Variants in PURG observed in about 807,000 individuals in gnomAD.
PURG encodes the protein purine-rich element-binding protein gamma.
In PURG, 3 loss-of-function variants were observed where a neutral mutation model predicts 24.3. The observed-to-expected ratio is 0.12, with a 90% CI of 0.06 to 0.32. The LOEUF (loss-of-function observed/expected upper bound fraction) is 0.32. Ranked by LOEUF, PURG falls within the 10% of genes least tolerant of loss-of-function variation. The pLI, the probability that PURG is intolerant of heterozygous loss-of-function variation, is 1.00. For synonymous variants in PURG, 180 were observed against 173.1 expected, an observed-to-expected ratio of 1.04 and a Z score of -0.31; for missense variants, 371 against 439.1, an observed-to-expected ratio of 0.84 and a Z score of 1.39.
chr8:31,005,011 C>T (rs1462758858), intron 1 of PURG, among the ~76,000 whole-genome samples: 2 of 152,132 alleles, frequency 1.3e-5, no homozygotes, highest in Non-Finnish European at 2.9e-5. Context: ...TATTCAGTGA[C>T]GATCTGCTTA....
At chr8:31,004,376 C>T (rs758101697) in intron 1 of PURG, among the ~76,000 whole-genome samples, 28 of 152,140 alleles carry the variant, frequency 1.8e-4, no homozygotes, top group Non-Finnish European at 3.8e-4. Flanking sequence ...CTTTCCAGCA[C>T]GTTTTGATAA....
In PURG at chr8:31,033,072, A is replaced by T; in HGVS notation, c.-7+6T>A. 1 of 192,034 alleles carries T rather than the reference A, an allele frequency of 5.2e-6. No homozygotes were observed. The highest frequency in any genetic ancestry group is 1.0e-5 in the Non-Finnish European group (1 of 97,662). The allele number at this position is 192,034 out of a possible 1,614,324, so 11.9% of individuals were successfully genotyped here. On this transcript the variant is annotated splice_donor_region_variant and intron_variant, in intron 1 of 1. Transcript: ENST00000523392. ...GGCCCCAGGTCTCCAGCCGGCGGGCACTCACATCATCTCTGCCATCACCGC... is the reference window on the plus strand; with the variant it reads ...GGCCCCAGGTCTCCAGCCGGCGGGCTCTCACATCATCTCTGCCATCACCGC...
intron 1 of PURG, among the ~76,000 whole-genome samples, chr8:31,025,289 G>C (rs536860325): frequency 6.6e-6 from 1 of 151,960 alleles, no homozygotes. Flanking sequence ...CATTCCTAAA[G>C]ATGAATTTTT....
downstream of PURG, among the ~76,000 whole-genome samples, chr8:31,027,271 G>A (rs984219686): frequency 2.6e-5 from 4 of 151,672 alleles, no homozygotes; most frequent in African/African-American, 9.7e-5. Flanking sequence ...GATGTTTGGT[G>A]TTTTAGTAAA....
intron 1 of PURG, among the ~76,000 whole-genome samples, chr8:31,019,141 AAAAAAAAAAAAAAAAAAAAATATATATAT>A (rs1810934093): frequency 2.4e-5 from 1 of 40,970 alleles, no homozygotes; most frequent in East Asian, 7.1e-4. Context: ...AAAAAAAAAA[AAAAAAAAAAAAAAAAAAAAATATATATAT>A]ATATATATAT....
chr8:31,032,022 C>G lies in PURG; in HGVS notation c.761G>C (p.Gly254Ala). 1 of 1,614,158 alleles carries G rather than the reference C, an allele frequency of 6.2e-7. No individual in the cohort carries two copies. The highest frequency in any genetic ancestry group is 8.5e-7 in the Non-Finnish European group (1 of 1,180,038). Residue 254 changes from glycine to alanine, a missense_variant, in exon 2 of 2, where the codon GGA becomes GCA. By Grantham distance (60) the Gly-to-Ala change is moderately conservative. Transcript: ENST00000523392. The surrounding 1 kb of genome is among the most constrained non-coding windows in gnomAD (Gnocchi z 5.9). The stretch of plus-strand genomic sequence containing the variant: ...TGGGAGTTCAAGCGGGTCATCGTCT[C>G]CACCTCTTCGTTCTTCTATGTCTCC... ...GEGDIEERRG[G>A]DDDPLELPEG...
intron 1 of PURG, among the ~76,000 whole-genome samples, chr8:31,003,886 T>G (rs1177992688): frequency 6.6e-6 from 1 of 152,218 alleles, no homozygotes; most frequent in Non-Finnish European, 1.5e-5. Flanking sequence ...GCTCCTTATT[T>G]CAGTCTTGAA....
intron 1 of PURG, among the ~76,000 whole-genome samples, chr8:31,008,389 C>G (rs533840317): frequency 6.6e-6 from 1 of 152,152 alleles, no homozygotes; most frequent in Non-Finnish European, 1.5e-5. Context: ...CTGCAACCTC[C>G]GCCTCCTGGG....
intron 1 of PURG, among the ~76,000 whole-genome samples, chr8:30,999,591 GAAAAAAATAAAGTGGC>G (rs1297605103): frequency 2.0e-5 from 3 of 151,886 alleles, no homozygotes; most frequent in Non-Finnish European, 4.4e-5. Flanking sequence ...CTGGGAATTA[GAAAAAAATAAAGTGGC>G]ATTAACCTTT....
rs1416080116 is a variant in PURG, at chr8:31,031,134, T to C, written c.*605A>G. On this transcript the variant is annotated 3_prime_UTR_variant, in exon 2 of 2. Coordinates refer to ENST00000523392, the MANE Select transcript of PURG (RefSeq NM_001323311.2). ...AGGGTTACCACAAAGTTTGAAATTA[T>C]AGAATACTATAGTATTCTTAAGAAA... The C allele has an allele frequency of 2.6e-5, 4 of 152,646 alleles. 1 individual carries two copies. The highest frequency in any genetic ancestry group is 2.6e-4 in the Admixed American group (4 of 15,284). The allele number at this position is 152,646 out of a possible 1,614,324, so 9.5% of individuals were successfully genotyped here. A position where few individuals can be genotyped will look rare whatever the true frequency, so the allele number is the denominator to read the frequency against.
Position 31,031,781 on chromosome 8 carries a change from A to G in PURG, c.1002T>C (p.Asp334=). 4 of 1,552,606 alleles carry G rather than the reference A, an allele frequency of 2.6e-6. No homozygotes were observed. Among genetic ancestry groups the G allele is most frequent in the Non-Finnish European group, 3.5e-6 (4 of 1,147,360 alleles). Residue 334 remains aspartate (D), a synonymous_variant, in exon 2 of 2, where the codon GAT becomes GAC. Transcript: ENST00000523392. ...GTTCTTCACCACTGGCCTTTCTGCC[A>G]TCCATTCTCTTTTCTTTATGGCTGT... ...ICNSHKEKRM[D]GRKASGEEQE... is the part of the protein sequence containing the mutation.
At chr8:31,025,743 G>T (rs554179803) in intron 1 of PURG, among the ~76,000 whole-genome samples, 22 of 151,732 alleles carry the variant, frequency 1.4e-4, no homozygotes, top group Non-Finnish European at 7.4e-5. Context: ...TTGGGGACGG[G>T]TGCTCACAAA....
exon 2 of PURG, chr8:30,996,058 T>C (rs892710724): frequency 5.3e-5 from 8 of 152,166 alleles, no homozygotes; most frequent in Non-Finnish European, 1.0e-4. Context: ...CGTGGTATGG[T>C]CTATTATAAA....
intron 1 of PURG, among the ~76,000 whole-genome samples, chr8:31,017,258 C>T (rs1810890777): frequency 6.6e-6 from 1 of 152,078 alleles, no homozygotes; most frequent in East Asian, 1.9e-4. Flanking sequence ...AGATGAAACC[C>T]ATTTACCACT....
chr8:31,011,390 A>C (rs1429469897), intron 1 of PURG, among the ~76,000 whole-genome samples: 1 of 152,222 alleles, frequency 6.6e-6, no homozygotes, highest in African/African-American at 2.4e-5. Flanking sequence ...ATGAAACAGA[A>C]TAGTTATTTT....
At chr8:31,006,143 C>T (rs962137503) in intron 1 of PURG, among the ~76,000 whole-genome samples, 18 of 152,248 alleles carry the variant, frequency 1.2e-4, no homozygotes, top group African/African-American at 4.1e-4. Context: ...GTCAAATAGC[C>T]AATGAATTCC....
At chr8:31,027,993 CCA>C (rs1041811283), downstream of PURG, among the ~76,000 whole-genome samples, 2 of 151,706 alleles carry the variant, frequency 1.3e-5, no homozygotes, top group Admixed American at 1.3e-4. Flanking sequence ...CATCAGCTAA[CCA>C]CACTTTTAAT....
At chr8:31,030,572 C>T (rs1811174660), downstream of PURG, among the ~76,000 whole-genome samples, 1 of 151,686 alleles carries the variant, frequency 6.6e-6, no homozygotes, top group African/African-American at 2.4e-5. Context: ...CCTGAATTTT[C>T]CTTTCAAATA....
At chr8:31,019,531 C>T (rs1387965278) in intron 1 of PURG, among the ~76,000 whole-genome samples, 2 of 151,210 alleles carry the variant, frequency 1.3e-5, no homozygotes, top group African/African-American at 4.9e-5. Context: ...CGGGGTTTCA[C>T]TATGTAGGTC....
Sources: gnomAD v4.1 joint callset for allele counts (sites outside exome capture counted in the v4.1 genomes callset) on GRCh38, gnomAD v4.1.1 for gene constraint, Gnocchi (gnomAD v3.1) non-coding constraint, MANE v1.5 for transcripts, NCBI Gene and HGNC (gene_info 2026-07-23, HGNC 2026-07-21) for gene names.